UBR1: variants seen among roughly 807,000 people sequenced by gnomAD.
UBR1 encodes ubiquitin protein ligase E3 component n-recognin 1.
Under a neutral mutation model 242.1 loss-of-function variants are expected in UBR1, and 102 were observed. The ratio of observed to expected loss-of-function variants is 0.42; its 90% CI spans 0.36 to 0.50. The LOEUF (loss-of-function observed/expected upper bound fraction) is 0.50. Ranked by LOEUF, UBR1 falls within the 20% of genes least tolerant of loss-of-function variation. The pLI, the probability that UBR1 is intolerant of heterozygous loss-of-function variation, is 0.01. For synonymous variants in UBR1, 675 were observed against 684.8 expected (o/e 0.99, Z 0.22); for missense variants, 1,772 against 2,101.8 (o/e 0.84, Z 3.07).
In UBR1 at chr15:43,043,445, C is replaced by T. The variant is rs935764960; in HGVS notation, c.1669-50G>A. 2.5e-6 allele frequency: 4 copies of T among 1,589,178 alleles called. No individual in the cohort carries two copies. The African/African-American group carries it at 4.0e-5, about 16-fold the overall frequency. Reference sequence around the variant, plus strand: ...AGTTGACAAGTTTTCTACTTTAACACTTTTTTTGTTTTGTTTTGAGACAGC... The same window carrying T: ...AGTTGACAAGTTTTCTACTTTAACATTTTTTTTGTTTTGTTTTGAGACAGC... On this transcript the variant is annotated intron_variant, in intron 14 of 46. Coordinates refer to ENST00000290650, the MANE Select transcript of UBR1 (RefSeq NM_174916.3).
chr15:43,003,751 A>G, intron 31 of UBR1, 86 bp downstream of exon 31: 1 of 1,136,460 alleles, frequency 8.8e-7, no homozygotes, highest in Non-Finnish European at 1.3e-6. Context: ...AGGAAAGAAG[A>G]CATGAGAAAA....
At chr15:42,997,095 G>A (rs984650629) in intron 33 of UBR1, among the ~76,000 whole-genome samples, 2 of 152,158 alleles carry the variant, frequency 1.3e-5, no homozygotes, top group Admixed American at 6.5e-5. Context: ...ATTTACAGCC[G>A]CTTCCCATCA....
chr15:42,967,711 A>G (rs895981567), intron 40 of UBR1, among the ~76,000 whole-genome samples: 4 of 151,684 alleles, frequency 2.6e-5, no homozygotes, highest in African/African-American at 9.7e-5. Flanking sequence ...TGGTAGGGGG[A>G]GGGAGCAAAT....
intron 1 of UBR1, among the ~76,000 whole-genome samples, chr15:43,102,822 ACT>A (rs2034254051): frequency 6.6e-6 from 1 of 150,964 alleles, no homozygotes; most frequent in Non-Finnish European, 1.5e-5. Flanking sequence ...TCTCTGTCTC[ACT>A]CTCTTTTCCT....
At chr15:42,977,464 T>C (rs750936748) in intron 38 of UBR1, among the ~76,000 whole-genome samples, 1 of 152,204 alleles carries the variant, frequency 6.6e-6, no homozygotes, top group Non-Finnish European at 1.5e-5. Context: ...CATCCATCCA[T>C]AGGTGTTTTG....
rs1419245986 is a variant in UBR1, at chr15:42,950,245, T to C, written c.5108+17A>G. The C allele has an allele frequency of 1.2e-6, 2 of 1,605,910 alleles. No homozygotes were observed. The highest frequency in any genetic ancestry group is 1.7e-6 in the Non-Finnish European group (2 of 1,172,602). ...AGAACTTACTGAAACCTTCCTATTA[T>C]ATAAAAAAAATCTTACTTCAGGCCA... On this transcript the variant is annotated intron_variant, in intron 46 of 46. Coordinates refer to ENST00000290650, the MANE Select transcript of UBR1 (RefSeq NM_174916.3).
chr15:43,034,489 A>G (rs2033304156), intron 19 of UBR1, among the ~76,000 whole-genome samples: 1 of 152,040 alleles, frequency 6.6e-6, no homozygotes, highest in African/African-American at 2.4e-5. Context: ...TACCTCTGAG[A>G]CAACAAAGAT....
chr15:43,002,177 T>C (rs2032736276), intron 32 of UBR1, among the ~76,000 whole-genome samples: 2 of 152,200 alleles, frequency 1.3e-5, no homozygotes. Flanking sequence ...AAAACAGTAA[T>C]GTAACAAAAA....
intron 38 of UBR1, 56 bp from the exon 39 acceptor site, chr15:42,976,923 AATGTC>A (rs1319874882): frequency 1.3e-6 from 2 of 1,576,696 alleles, no homozygotes; most frequent in African/African-American, 1.4e-5. Flanking sequence ...AACATAAATT[AATGTC>A]ATAACTAAAT....
intron 33 of UBR1, 105 bp from the exon 34 acceptor site, chr15:42,990,225 C>A: frequency 2.4e-6 from 2 of 843,504 alleles, no homozygotes; most frequent in Non-Finnish European, 3.9e-6. Flanking sequence ...CACTCTGTCA[C>A]CCATGCTGGA....
At chr15:43,041,670 A>G (rs2033420036) in intron 15 of UBR1, among the ~76,000 whole-genome samples, 1 of 152,232 alleles carries the variant, frequency 6.6e-6, no homozygotes, top group South Asian at 2.1e-4. Flanking sequence ...AGGCAACAAA[A>G]GAAAAAAGTA....
chr15:42,948,723 C>T (rs189169344), intron 46 of UBR1, among the ~76,000 whole-genome samples: 16 of 152,264 alleles, frequency 1.1e-4, no homozygotes, highest in African/African-American at 3.9e-4. Flanking sequence ...AAATCAAAAC[C>T]ACAATGAGAT....
chr15:42,997,862 A>G (rs942846476), intron 33 of UBR1, among the ~76,000 whole-genome samples: 1 of 152,226 alleles, frequency 6.6e-6, no homozygotes. Context: ...CATAATCAGT[A>G]AGTGGATCTT....
rs1181250415 is a variant in UBR1, at chr15:42,945,321, G to A, written c.*8C>T. On this transcript the variant is annotated 3_prime_UTR_variant, in exon 47 of 47. Transcript: ENST00000290650. ...TCATTTGTGATTGTCTTGAGGCAGAGTTGGAGCTCACAGTAACTGCCAGTT... is the reference window on the plus strand; with the variant it reads ...TCATTTGTGATTGTCTTGAGGCAGAATTGGAGCTCACAGTAACTGCCAGTT... 6.2e-7 allele frequency: 1 copy of A among 1,614,106 alleles called. No homozygotes were observed.
chr15:42,974,003 C>T (rs1233266121), intron 39 of UBR1, among the ~76,000 whole-genome samples: 1 of 151,622 alleles, frequency 6.6e-6, no homozygotes, highest in East Asian at 1.9e-4. Context: ...ATTCTCCTGC[C>T]TCAGCCTCCC....
chr15:43,005,305 C>CCGCCCCAT (rs2032798363), intron 30 of UBR1, among the ~76,000 whole-genome samples: 1 of 150,406 alleles, frequency 6.6e-6, no homozygotes, highest in Non-Finnish European at 1.5e-5. Flanking sequence ...GCAGCCCCCG[C>CCGCCCCAT]CCGGCAGCCG....
intron 37 of UBR1, among the ~76,000 whole-genome samples, chr15:42,983,550 A>G (rs564112719): frequency 2.0e-5 from 3 of 151,672 alleles, no homozygotes; most frequent in African/African-American, 7.2e-5. Context: ...CTGTAATTCC[A>G]GCTACTCAGA....
intron 39 of UBR1, 92 bp from the exon 40 acceptor site, chr15:42,970,699 G>A (rs913086621): frequency 2.9e-5 from 34 of 1,169,262 alleles, no homozygotes; most frequent in South Asian, 2.3e-4. Flanking sequence ...AATAAACAAC[G>A]TAGATTCATT....
intron 33 of UBR1, among the ~76,000 whole-genome samples, chr15:42,992,550 G>T (rs1287264432): frequency 6.6e-6 from 1 of 152,172 alleles, no homozygotes; most frequent in Non-Finnish European, 1.5e-5. Context: ...CTCCTCGGGG[G>T]GTTAGCCTGG....
Sources: gnomAD v4.1 joint callset for allele counts (sites outside exome capture counted in the v4.1 genomes callset) on GRCh38, gnomAD v4.1.1 for gene constraint, MANE v1.5 for transcripts, NCBI Gene and HGNC (gene_info 2026-07-23, HGNC 2026-07-21) for gene names.